Variants in CLYBL observed in about 807,000 individuals in gnomAD.
CLYBL encodes the protein citramalyl-CoA lyase, mitochondrial.
CLYBL carries 31 observed loss-of-function variants against 38.9 expected under a neutral mutation model. The ratio of observed to expected loss-of-function variants is 0.80; its 90% confidence interval spans 0.60 to 1.08. The LOEUF (loss-of-function observed/expected upper bound fraction) is 1.08. CLYBL is among the 50% of genes least tolerant of loss of function. The probability of loss-of-function intolerance (pLI) is 0.00; values close to 1 mark genes in which losing one functional copy is unlikely to be tolerated. For synonymous variants in CLYBL, 171 were observed against 158.6 expected (o/e 1.08, Z -0.59); for missense variants, 434 against 411.6 (o/e 1.05, Z -0.47).
intron 2 of CLYBL, among the ~76,000 whole-genome samples, chr13:99,818,446 AACACACACACACACACACACAC>A (rs57249330): frequency 7.0e-6 from 1 of 143,220 alleles, no homozygotes; most frequent in Non-Finnish European, 1.5e-5. Context: ...TGGAGCAGAA[AACACACACACACACACACACAC>A]ACACACACAC....
chr13:99,614,533 G>T (rs2046677993), intron 1 of CLYBL, among the ~76,000 whole-genome samples: 1 of 152,028 alleles, frequency 6.6e-6, no homozygotes, highest in African/African-American at 2.4e-5. Flanking sequence ...GTGGTGGCTG[G>T]GCCCGAATTG....
chr13:99,710,578 C>T (rs928263528), intron 1 of CLYBL, among the ~76,000 whole-genome samples: 5 of 152,140 alleles, frequency 3.3e-5, no homozygotes, highest in African/African-American at 1.2e-4. Context: ...AGGGATATTG[C>T]TTTTTCCCAA....
chr13:99,876,644 C>G lies in CLYBL; in HGVS notation c.927+5582C>G, dbSNP rs1345751048. On this transcript the variant is annotated intron_variant, in intron 7 of 8. Coordinates refer to ENST00000339105, the MANE Select transcript of CLYBL (RefSeq NM_206808.5). ...ATCTCAGAAATCTTTTAGTCAGATG[C>G]CTTCAGTTTATGACTTAATGCACAG... Among the ~76,000 whole-genome samples the G allele has an allele frequency of 2.6e-5, 4 of 152,002 alleles. No individual in the cohort carries two copies. The East Asian group carries it at 7.7e-4, about 29-fold the overall frequency.
At chr13:99,790,785 G>C (rs1390941040) in intron 2 of CLYBL, among the ~76,000 whole-genome samples, 1 of 152,148 alleles carries the variant, frequency 6.6e-6, no homozygotes, top group Admixed American at 6.5e-5. Flanking sequence ...CTGGAATCCT[G>C]AACTCTCCCT....
intron 7 of CLYBL, among the ~76,000 whole-genome samples, chr13:99,871,734 G>A (rs748608534): frequency 2.0e-4 from 31 of 152,242 alleles, no homozygotes; most frequent in African/African-American, 4.6e-4. Context: ...ATTAGGTGTC[G>A]CCTGAAGGAA....
intron 7 of CLYBL, among the ~76,000 whole-genome samples, chr13:99,881,988 A>G (rs1283959507): frequency 6.6e-6 from 1 of 152,168 alleles, no homozygotes; most frequent in East Asian, 1.9e-4. Flanking sequence ...TTAAAATTGC[A>G]GTTTCACGTA....
intron 2 of CLYBL, among the ~76,000 whole-genome samples, chr13:99,850,039 A>T (rs757777070): frequency 4.6e-5 from 7 of 152,258 alleles, no homozygotes; most frequent in African/African-American, 7.2e-5. Context: ...TAAAACTATT[A>T]AACTCCTAGA....
intron 1 of CLYBL, among the ~76,000 whole-genome samples, chr13:99,765,784 A>G (rs978454383): frequency 1.3e-5 from 2 of 151,230 alleles, no homozygotes; most frequent in African/African-American, 4.9e-5. Flanking sequence ...GGTTCAAGCA[A>G]TCCACCCGCC....
intron 2 of CLYBL, among the ~76,000 whole-genome samples, chr13:99,821,133 G>T (rs1255035353): frequency 6.6e-6 from 1 of 152,178 alleles, no homozygotes; most frequent in Non-Finnish European, 1.5e-5. Flanking sequence ...TGAGGGAATT[G>T]ATTGGGGTTT....
At chr13:99,722,864 A>T (rs111915589) in intron 1 of CLYBL, among the ~76,000 whole-genome samples, 277 of 152,362 alleles carry the variant, frequency 1.8e-3, no homozygotes, top group Middle Eastern at 6.8e-3. Context: ...TTCACACAGC[A>T]TCATTACCAA....
At chr13:99,619,550 G>T (rs1378012490) in intron 1 of CLYBL, among the ~76,000 whole-genome samples, 2 of 152,208 alleles carry the variant, frequency 1.3e-5, no homozygotes, top group Non-Finnish European at 2.9e-5. Context: ...AATCAGAATT[G>T]TTTTAATATC....
At chr13:99,827,967 C>T (rs573246631) in intron 2 of CLYBL, among the ~76,000 whole-genome samples, 1 of 152,266 alleles carries the variant, frequency 6.6e-6, no homozygotes, top group Admixed American at 6.5e-5. Context: ...CATAGTCTCC[C>T]CTTCCCTTTG....
At chr13:99,677,760 A>G (rs554154152) in intron 1 of CLYBL, among the ~76,000 whole-genome samples, 1 of 152,368 alleles carries the variant, frequency 6.6e-6, no homozygotes, top group African/African-American at 2.4e-5. Context: ...CTACTCAGAC[A>G]TCATAGCAAA....
In CLYBL at chr13:99,790,357, A is replaced by G. The variant is rs571356552; in HGVS notation, c.249+17347A>G. ...GTACCGGTTGTTCCTTTCCATGTTT[A>G]GTGCTTCCTTCAGGAGCTCTTTTAG... On this transcript the variant is annotated intron_variant, in intron 2 of 8. Coordinates refer to ENST00000339105, the MANE Select transcript of CLYBL (RefSeq NM_206808.5). Among the ~76,000 whole-genome samples the G allele has an allele frequency of 1.6e-4, 24 of 152,232 alleles. 1 individual carries two copies. Among genetic ancestry groups the G allele is most frequent in the African/African-American group, 5.8e-4 (24 of 41,532 alleles).
intron 1 of CLYBL, among the ~76,000 whole-genome samples, chr13:99,624,887 G>A (rs768202350): frequency 6.6e-5 from 10 of 152,176 alleles, no homozygotes; most frequent in Non-Finnish European, 1.2e-4. Flanking sequence ...GCATCTTAGC[G>A]GGATCCAAAA....
intron 2 of CLYBL, among the ~76,000 whole-genome samples, chr13:99,848,152 C>A (rs1222879507): frequency 6.6e-6 from 1 of 152,188 alleles, no homozygotes; most frequent in Non-Finnish European, 1.5e-5. Flanking sequence ...TCAGAGGCCA[C>A]CCGAGTCCCA....
intron 7 of CLYBL, among the ~76,000 whole-genome samples, chr13:99,876,069 CTTTTTTTTTTT>C (rs10625169): frequency 9.4e-6 from 1 of 106,670 alleles, no homozygotes; most frequent in Admixed American, 1.2e-4. Flanking sequence ...TTCTATTTCA[CTTTTTTTTTTT>C]TTTTTTTTTT....
chr13:99,622,845 C>T (rs1050535920), intron 1 of CLYBL, among the ~76,000 whole-genome samples: 2 of 152,008 alleles, frequency 1.3e-5, no homozygotes, highest in East Asian at 3.8e-4. Context: ...GCTCTGTCAT[C>T]CAGGTTGGAG....
At chr13:99,720,774 A>G (rs546197369) in intron 1 of CLYBL, among the ~76,000 whole-genome samples, 6 of 151,898 alleles carry the variant, frequency 4.0e-5, no homozygotes, top group Non-Finnish European at 7.4e-5. Context: ...TTTTCTCTCT[A>G]TGTGTTCTAT....
Sources: allele counts gnomAD v4.1 joint callset (sites outside exome capture counted in the v4.1 genomes callset), GRCh38; gene constraint gnomAD v4.1.1; transcripts MANE v1.5; gene names NCBI Gene and HGNC (gene_info 2026-07-23, HGNC 2026-07-21).